ATF6: variants seen among roughly 807,000 people sequenced by gnomAD.
ATF6 encodes the protein activating transcription factor 6.
Under a neutral mutation model 83.6 loss-of-function variants are expected in ATF6, and 53 were observed. The observed-to-expected ratio is 0.63, with a 90% confidence interval of 0.51 to 0.80. The LOEUF (loss-of-function observed/expected upper bound fraction) is 0.80, where lower values mean the gene tolerates loss of function less well. Among genes scored for constraint, ATF6 ranks in the 30% least tolerant of loss-of-function variants. The probability of loss-of-function intolerance (pLI) is 0.00; values close to 1 mark genes in which losing one functional copy is unlikely to be tolerated. For synonymous variants in ATF6, 288 were observed against 285.8 expected, an observed-to-expected ratio of 1.01 and a Z score of -0.08; for missense variants, 744 against 797.9, an observed-to-expected ratio of 0.93 and a Z score of 0.81.
chr1:161,792,377 G>C, intron 6 of ATF6, 50 bp downstream of exon 6: 1 of 1,518,944 alleles, frequency 6.6e-7, no homozygotes, highest in African/African-American at 1.4e-5. Context: ...AGGGCAGTAA[G>C]GGTTGTGTCA....
intron 1 of ATF6, among the ~76,000 whole-genome samples, chr1:161,769,849 T>C (rs1684344585): frequency 6.6e-6 from 1 of 152,092 alleles, no homozygotes; most frequent in Admixed American, 6.6e-5. Flanking sequence ...GTCGTGGAGC[T>C]CAGGCGGTAA....
chr1:161,914,629 C>T (rs1688055513), intron 15 of ATF6, among the ~76,000 whole-genome samples: 1 of 152,242 alleles, frequency 6.6e-6, no homozygotes, highest in South Asian at 2.1e-4. Context: ...GCATCCCACT[C>T]TCTGACTGTT....
intron 10 of ATF6, among the ~76,000 whole-genome samples, chr1:161,849,475 T>C (rs1260222678): frequency 6.6e-6 from 1 of 152,236 alleles, no homozygotes; most frequent in Non-Finnish European, 1.5e-5. Flanking sequence ...GAGTTATTTC[T>C]GTTAAGGGGC....
At position 161,877,678 on chromosome 1, in the gene ATF6, G is replaced by A. The variant is rs543721581; in HGVS notation, c.1719+14366G>A. Among the ~76,000 whole-genome samples the A allele has an allele frequency of 4.6e-5, 7 of 152,254 alleles. No homozygotes were observed. In the South Asian group the frequency reaches 8.3e-4, roughly 18 times the overall value. On this transcript the variant is annotated intron_variant, in intron 14 of 15. Coordinates refer to ENST00000367942, the MANE Select transcript of ATF6 (RefSeq NM_007348.4). ...CAGAATAACACGAATGATTTAGTTC[G>A]TAGAAGATGTTCACTGCTACATGGA...
At chr1:161,820,981 CCGGTAAA>C (rs1685746069) in intron 8 of ATF6, 82 bp from the exon 9 acceptor site, 2 of 789,264 alleles carry the variant, frequency 2.5e-6, no homozygotes, top group Non-Finnish European at 2.0e-6. Context: ...ATTTACGTAA[CCGGTAAA>C]GAGGAAAATT....
intron 10 of ATF6, among the ~76,000 whole-genome samples, chr1:161,847,353 T>A (rs1686508166): frequency 6.6e-6 from 1 of 152,138 alleles, no homozygotes. Context: ...TTGAGGGCAA[T>A]CTTTCTTCCT....
intron 15 of ATF6, among the ~76,000 whole-genome samples, chr1:161,941,507 A>G (rs1386612041): frequency 6.6e-6 from 1 of 152,236 alleles, no homozygotes; most frequent in Non-Finnish European, 1.5e-5. Context: ...CAAGAAAGGT[A>G]GGTTCTCTTT....
rs767636001 is a variant in ATF6 at position 161,792,135 on chromosome 1, A to C, written c.496A>C (p.Thr166Pro). The C allele has an allele frequency of 1.9e-6, 3 of 1,613,746 alleles. No homozygotes were observed. The Admixed American group carries it at 5.0e-5, about 27-fold the overall frequency. Residue 166 changes from threonine to proline, a missense_variant, in exon 6 of 16, where the codon ACT becomes CCT. By Grantham distance (38) the Thr-to-Pro change is conservative (BLOSUM62 -1). Coordinates refer to ENST00000367942, the MANE Select transcript of ATF6 (RefSeq NM_007348.4). ...GPRNKTENGL[T>P]PKKKIQVNSK... is the part of the protein sequence containing the mutation. ...TGGTTTTTCTCCAGAAAATGGACTG[A>C]CTCCAAAGAAAAAAATTCAGGTGAA...
At chr1:161,807,865 CTTTTTTTTTTTTTT>C (rs761462420) in intron 7 of ATF6, among the ~76,000 whole-genome samples, 27 of 32,346 alleles carry the variant, frequency 8.3e-4, no homozygotes, top group South Asian at 3.0e-3. Flanking sequence ...AGTTTGTCAT[CTTTTTTTTTTTTTT>C]TTTTTTTTTT....
chr1:161,953,499 C>G lies in ATF6; in HGVS notation c.1805-4947C>G, dbSNP rs551351155. Reference sequence around the variant, plus strand: ...TATCTGAATCCTCATTGCCCAGTGTCCACAATACCCTTATCACAGTGAACA... The same window carrying G: ...TATCTGAATCCTCATTGCCCAGTGTGCACAATACCCTTATCACAGTGAACA... On this transcript the variant is annotated intron_variant, in intron 15 of 15. Coordinates refer to ENST00000367942, the MANE Select transcript of ATF6 (RefSeq NM_007348.4). Among the ~76,000 whole-genome samples the G allele has an allele frequency of 2.6e-5, 4 of 152,282 alleles. No individual in the cohort carries two copies. The South Asian group carries it at 8.3e-4, about 32-fold the overall frequency.
intron 14 of ATF6, among the ~76,000 whole-genome samples, chr1:161,885,567 A>G (rs1687402778): frequency 6.6e-6 from 1 of 152,274 alleles, no homozygotes; most frequent in Admixed American, 6.5e-5. Flanking sequence ...TAGATTTCCA[A>G]AATGGGTTTT....
At chr1:161,869,624 G>T (rs1258140896) in intron 14 of ATF6, among the ~76,000 whole-genome samples, 1 of 151,686 alleles carries the variant, frequency 6.6e-6, no homozygotes, top group Non-Finnish European at 1.5e-5. Context: ...CTTTTAGAAG[G>T]CTTTTTAAAA....
chr1:161,821,029 G>C, intron 8 of ATF6, 41 bp from the exon 9 acceptor site: 1 of 1,400,894 alleles, frequency 7.1e-7, no homozygotes, highest in South Asian at 1.3e-5. Flanking sequence ...TTCTGAAATC[G>C]ATGTTAGTTT....
At position 161,912,264 on chromosome 1, in the gene ATF6, A is replaced by C. The variant is rs148909367; in HGVS notation, c.1720-32A>C. 66 of 1,538,674 alleles carry C rather than the reference A, an allele frequency of 4.3e-5. No homozygotes were observed. In the African/African-American group the frequency reaches 7.0e-4, roughly 16 times the overall value. On this transcript the variant is annotated intron_variant, in intron 14 of 15. Transcript: ENST00000367942. Reference sequence around the variant, plus strand: ...CTGTTCTAGGACTAAGCCAATTGTTATATATAACAGATTGTTCTTTGTTAA... The same window carrying C: ...CTGTTCTAGGACTAAGCCAATTGTTCTATATAACAGATTGTTCTTTGTTAA...
chr1:161,926,401 A>G (rs919703315), intron 15 of ATF6, among the ~76,000 whole-genome samples: 5 of 152,064 alleles, frequency 3.3e-5, no homozygotes, highest in Non-Finnish European at 7.4e-5. Flanking sequence ...CAAGCTGTTG[A>G]CTGGGGCTGA....
At chr1:161,829,261 G>A (rs996425173) in intron 9 of ATF6, among the ~76,000 whole-genome samples, 5 of 144,460 alleles carry the variant, frequency 3.5e-5, no homozygotes, top group Non-Finnish European at 7.5e-5. Flanking sequence ...GTGCAGTGGC[G>A]CGATCTCAGC....
At chr1:161,812,653 A>G (rs1342103980) in intron 7 of ATF6, among the ~76,000 whole-genome samples, 1 of 151,936 alleles carries the variant, frequency 6.6e-6, no homozygotes, top group Non-Finnish European at 1.5e-5. Flanking sequence ...CGGCCTCCCA[A>G]AGTGCTGGGA....
chr1:161,793,679 A>G (rs1040580849), intron 6 of ATF6, among the ~76,000 whole-genome samples: 1 of 152,244 alleles, frequency 6.6e-6, no homozygotes, highest in Non-Finnish European at 1.5e-5. Flanking sequence ...TGACTAGCGT[A>G]TAAAGCAGGG....
intron 1 of ATF6, 120 bp downstream of exon 1, chr1:161,766,562 C>A: frequency 1.3e-6 from 1 of 779,804 alleles, no homozygotes; most frequent in Non-Finnish European, 2.1e-6. Flanking sequence ...GGAGTGAGGC[C>A]CCTCGTCACT....
Sources: gnomAD v4.1 joint callset for allele counts (sites outside exome capture counted in the v4.1 genomes callset) on GRCh38, gnomAD v4.1.1 for gene constraint, MANE v1.5 for transcripts, NCBI Gene and HGNC (gene_info 2026-07-23, HGNC 2026-07-21) for gene names.